The following COMMD9 variants were observed in gnomAD, a reference collection of about 807,000 sequenced individuals.
COMMD9 encodes COMM domain containing 9.
Under a neutral mutation model 23.4 loss-of-function variants are expected in COMMD9, and 22 were observed. The ratio of observed to expected loss-of-function variants is 0.94; its 90% CI spans 0.67 to 1.34. The LOEUF is 1.34. Ranked by LOEUF, COMMD9 falls within the 40% of genes most tolerant of loss-of-function variation. The pLI is 0.00. For synonymous variants in COMMD9, 99 were observed against 97.4 expected, an observed-to-expected ratio of 1.02 and a Z score of -0.10; for missense variants, 231 against 240.2, an observed-to-expected ratio of 0.96 and a Z score of 0.25.
chr11:36,288,375 G>A (rs2028903), intron 1 of COMMD9, among the ~76,000 whole-genome samples: 136,550 of 147,708 alleles, frequency 0.92, 62,719 homozygotes, highest in East Asian at 0.97. Flanking sequence ...AAAAAAAAAA[G>A]AGAGAGGAAG....
At position 36,272,590 on chromosome 11, in the gene COMMD9, T is replaced by C; in HGVS notation, c.*2042A>G. 1 of 152,264 alleles carries C rather than the reference T, an allele frequency of 6.6e-6. No homozygotes were observed. The highest frequency in any genetic ancestry group is 6.5e-5 in the Admixed American group (1 of 15,290). The allele number at this position is 152,264 out of a possible 1,614,324, so 9.4% of individuals were successfully genotyped here. ...TGACCAGGGGCTCTCAACTTGGAAG[T>C]AGCGGGCTGGCTTCTGGGGTCCTTG... On this transcript the variant is annotated 3_prime_UTR_variant, in exon 6 of 6. Transcript: ENST00000263401.
Position 36,289,368 on chromosome 11 carries a change from C to G in COMMD9, c.45G>C (p.Leu15=), listed in dbSNP as rs190818722. The G allele has an allele frequency of 4.5e-6, 7 of 1,551,604 alleles. No individual in the cohort carries two copies. Among genetic ancestry groups the G allele is most frequent in the Admixed American group, 2.0e-5 (1 of 50,984 alleles). Reference sequence around the variant, plus strand: ...CCCCACCCCTTCGACTTACCTTGAGCAGGCTCTGGAGTGCTGCAAAATGCT... The same window carrying G: ...CCCCACCCCTTCGACTTACCTTGAGGAGGCTCTGGAGTGCTGCAAAATGCT... ...TAEHFAALQS[L]LKASSKDVVR... The change falls in exon 1 of 6, where the codon CTG becomes CTC. Residue 15 remains leucine (L), a synonymous_variant. Transcript: ENST00000263401.
intron 1 of COMMD9, among the ~76,000 whole-genome samples, chr11:36,283,460 T>G (rs928017528): frequency 1.3e-5 from 2 of 152,184 alleles, no homozygotes; most frequent in African/African-American, 2.4e-5. Context: ...GACGTAAAGT[T>G]TCTATACTTC....
chr11:36,285,536 CA>C (rs1350480927), intron 1 of COMMD9, among the ~76,000 whole-genome samples: 1 of 152,012 alleles, frequency 6.6e-6, no homozygotes, highest in African/African-American at 2.4e-5. Context: ...ACCCTGATAC[CA>C]AAACCGCACA....
Position 36,282,947 on chromosome 11 carries a change from G to A in COMMD9, c.52-2110C>T, listed in dbSNP as rs893905123. On this transcript the variant is annotated intron_variant, in intron 1 of 5. Coordinates refer to ENST00000263401, the MANE Select transcript of COMMD9 (RefSeq NM_014186.4). ...ACTGAGAGCCACTGGGAGGCCACTG[G>A]TGCAAGTCCCAGAGTCCAAAAAATG... 1.3e-5 allele frequency among the ~76,000 whole-genome samples: 2 copies of A among 152,212 alleles called. 1 individual carries two copies. The highest frequency in any genetic ancestry group is 4.1e-4 in the South Asian group (2 of 4,826).
At chr11:36,276,035 A>C in intron 5 of COMMD9, 102 bp downstream of exon 5, 14 of 793,286 alleles carry the variant, frequency 1.8e-5, no homozygotes, top group Non-Finnish European at 2.8e-5. Flanking sequence ...ATGGTAATTT[A>C]AAAAAATATA....
At chr11:36,275,495 G>T (rs1162746685) in intron 5 of COMMD9, among the ~76,000 whole-genome samples, 2 of 150,734 alleles carry the variant, frequency 1.3e-5, no homozygotes, top group African/African-American at 4.9e-5. Context: ...CCAGGTGGGA[G>T]TGCAGTGGTG....
In COMMD9 at chr11:36,274,171, C is replaced by G; in HGVS notation, c.*461G>C. On this transcript the variant is annotated 3_prime_UTR_variant, in exon 6 of 6. Coordinates refer to ENST00000263401, the MANE Select transcript of COMMD9 (RefSeq NM_014186.4). ...GCTCTGTGGGCTCTGCCTGGCTTCCCTGACAGAGGAGCAGGAACTGCTGGC... is the reference window on the plus strand; with the variant it reads ...GCTCTGTGGGCTCTGCCTGGCTTCCGTGACAGAGGAGCAGGAACTGCTGGC... 1 of 436,168 alleles carries G rather than the reference C, an allele frequency of 2.3e-6. No individual in the cohort carries two copies. The highest frequency in any genetic ancestry group is 4.6e-6 in the Non-Finnish European group (1 of 215,256). The allele number at this position is 436,168 out of a possible 1,614,324, so 27.0% of individuals were successfully genotyped here. A position where few individuals can be genotyped will look rare whatever the true frequency, so the allele number is the denominator to read the frequency against.
chr11:36,286,506 T>C (rs943502297), intron 1 of COMMD9, among the ~76,000 whole-genome samples: 4 of 150,180 alleles, frequency 2.7e-5, no homozygotes, highest in African/African-American at 9.8e-5. Context: ...GACTGAGGCA[T>C]GAGAATCCCT....
rs774272671 is a variant in COMMD9, at chr11:36,280,693, C to A, written c.177+19G>T. 2 of 1,566,296 alleles carry A rather than the reference C, an allele frequency of 1.3e-6. No homozygotes were observed. The highest frequency in any genetic ancestry group is 1.7e-4 in the Middle Eastern group (1 of 5,842). ...AATAAGAGGGCCAGTGGCCAAAGAT[C>A]ATTTCTGACCACACTTACTTCCTCT... On this transcript the variant is annotated intron_variant, in intron 2 of 5. Transcript: ENST00000263401.
intron 1 of COMMD9, among the ~76,000 whole-genome samples, chr11:36,286,630 A>C (rs1359131840): frequency 2.6e-5 from 4 of 151,952 alleles, no homozygotes; most frequent in African/African-American, 7.3e-5. Context: ...ACCAAAAAAA[A>C]CCAAAACCAT....
At chr11:36,276,832 GA>G in intron 4 of COMMD9, 1 of 334,352 alleles carries the variant, frequency 3.0e-6, no homozygotes, top group Non-Finnish European at 5.4e-6. Context: ...TTTCACAATT[GA>G]AATACCATTA....
chr11:36,276,026 T>C, intron 5 of COMMD9, 111 bp downstream of exon 5: 3 of 715,628 alleles, frequency 4.2e-6, no homozygotes, highest in Non-Finnish European at 7.4e-6. Context: ...ATAAAGGGGA[T>C]GGTAATTTAA....
chr11:36,274,800 C>T (rs1212683282), intron 5 of COMMD9, 28 bp from the exon 6 acceptor site: 5 of 1,613,166 alleles, frequency 3.1e-6, no homozygotes, highest in Admixed American at 3.3e-5. Flanking sequence ...CCCAGAAAGT[C>T]AAAGCTGCCT....
intron 2 of COMMD9, among the ~76,000 whole-genome samples, chr11:36,279,069 T>G (rs933609410): frequency 2.0e-5 from 3 of 152,194 alleles, no homozygotes; most frequent in African/African-American, 7.2e-5. Flanking sequence ...GCTCTGGACT[T>G]GCCTATGTGT....
intron 5 of COMMD9, among the ~76,000 whole-genome samples, chr11:36,274,982 G>C (rs1388368916): frequency 1.3e-5 from 2 of 152,220 alleles, no homozygotes; most frequent in African/African-American, 4.8e-5. Context: ...GTCTCCATTT[G>C]CAACAAGTGC....
chr11:36,286,597 A>AAAAC lies in COMMD9; in HGVS notation c.51+2761_51+2764dup, dbSNP rs576438482. Among the ~76,000 whole-genome samples, 937 of 151,946 alleles carry AAAAC rather than the reference A, an allele frequency of 6.2e-3. 13 individuals are homozygous for AAAAC. The highest frequency in any genetic ancestry group is 0.021 in the African/African-American group (856 of 41,406). On this transcript the variant is annotated intron_variant, in intron 1 of 5. Coordinates refer to ENST00000263401, the MANE Select transcript of COMMD9 (RefSeq NM_014186.4). ...CTGGGCCACAGAGCGAGACTCTCTC[A>AAAAC]AAACAAACAAACAAACAAACAAACC...
intron 1 of COMMD9, among the ~76,000 whole-genome samples, chr11:36,284,103 C>G (rs1457018847): frequency 1.1e-5 from 1 of 92,198 alleles, no homozygotes; most frequent in Non-Finnish European, 2.3e-5. Flanking sequence ...GAGACCCTGT[C>G]TCAACAACAA....
intron 1 of COMMD9, among the ~76,000 whole-genome samples, chr11:36,281,549 CT>C (rs1483539744): frequency 6.6e-6 from 1 of 152,188 alleles, no homozygotes; most frequent in Non-Finnish European, 1.5e-5. Flanking sequence ...AGATTCCACC[CT>C]TACCCAGTGG....
Sources: gnomAD v4.1 joint callset for allele counts (sites outside exome capture counted in the v4.1 genomes callset) on GRCh38, gnomAD v4.1.1 for gene constraint, MANE v1.5 for transcripts, NCBI Gene and HGNC (gene_info 2026-07-23, HGNC 2026-07-21) for gene names.